RPL4: variants seen among roughly 807,000 people sequenced by gnomAD.
RPL4 encodes the protein ribosomal protein L4.
Under a neutral mutation model 47.7 loss-of-function variants are expected in RPL4, and 3 were observed. The observed-to-expected ratio is 0.06, with a 90% CI of 0.03 to 0.16. The LOEUF (loss-of-function observed/expected upper bound fraction) is 0.16. Ranked by LOEUF, RPL4 falls within the 10% of genes least tolerant of loss-of-function variation. The pLI is 1.00. For missense variants in RPL4, 413 were observed against 551.3 expected, an observed-to-expected ratio of 0.75 and a Z score of 2.51; for synonymous variants, 208 against 182.1, an observed-to-expected ratio of 1.14 and a Z score of -1.15.
chr15:66,503,258 G>A (rs547251473), intron 2 of RPL4, 94 bp from the exon 3 acceptor site: 55 of 1,587,952 alleles, frequency 3.5e-5, no homozygotes, highest in African/African-American at 8.1e-5. Context: ...CAGAACATCC[G>A]AGAAAATCAT....
intron 4 of RPL4, 28 bp from the exon 5 acceptor site, chr15:66,501,940 G>A: frequency 1.3e-6 from 2 of 1,590,624 alleles, no homozygotes; most frequent in Non-Finnish European, 1.7e-6. Context: ...CACTTACTTG[G>A]TTATCCTGAA....
intron 9 of RPL4, 56 bp downstream of exon 9, chr15:66,500,000 G>A (rs968966053): frequency 6.2e-7 from 1 of 1,603,230 alleles, no homozygotes; most frequent in Non-Finnish European, 8.5e-7. Flanking sequence ...TCCAGCCTGG[G>A]TGACAGAGCG....
At chr15:66,504,711 C>G (rs906968714) in intron 1 of RPL4, 77 bp downstream of exon 1, 36 of 1,586,552 alleles carry the variant, frequency 2.3e-5, no homozygotes, top group Non-Finnish European at 2.9e-5. Context: ...CCTACAGATT[C>G]TATGCTCCGA....
chr15:66,502,314 A>G (rs1040042057), intron 4 of RPL4: 4 of 401,284 alleles, frequency 1.0e-5, no homozygotes, highest in Non-Finnish European at 1.3e-5. Context: ...GTTCACGTGA[A>G]AGAAAAAGTG....
At chr15:66,502,365 A>G (rs576349021) in intron 4 of RPL4, 43 of 480,766 alleles carry the variant, frequency 8.9e-5, no homozygotes, top group African/African-American at 8.3e-4. Flanking sequence ...TTTGATTAAA[A>G]AATTTTTAAA....
intron 4 of RPL4, 34 bp downstream of exon 4, chr15:66,502,578 T>C: frequency 6.3e-7 from 1 of 1,597,028 alleles, no homozygotes; most frequent in Non-Finnish European, 8.5e-7. Flanking sequence ...TCTTATTTCT[T>C]CTATCAAACT....
chr15:66,501,137 G>T, intron 6 of RPL4, 32 bp from the exon 7 acceptor site: 1 of 1,607,098 alleles, frequency 6.2e-7, no homozygotes, highest in South Asian at 1.1e-5. Flanking sequence ...TAGGGAGCCT[G>T]TATTCCAACA....
intron 1 of RPL4, 97 bp downstream of exon 1, chr15:66,504,691 C>T: frequency 6.5e-7 from 1 of 1,539,044 alleles, no homozygotes; most frequent in Non-Finnish European, 8.8e-7. Context: ...TCCCTCTCCT[C>T]GCTCTATCTC....
At chr15:66,501,345 C>G (rs773116067) in intron 6 of RPL4, 30 bp downstream of exon 6, 1 of 1,613,574 alleles carries the variant, frequency 6.2e-7, no homozygotes, top group South Asian at 1.1e-5. Context: ...CAGAGTATAC[C>G]TAGTCAATAT....
chr15:66,500,130 A>G lies in RPL4; in HGVS notation c.964T>C (p.Leu322=). The change falls in exon 9 of 10, where the codon TTG becomes CTG. Residue 322 remains leucine, a synonymous_variant. Transcript: ENST00000307961. ...RVLKKNPLKN[L]RIMLKLNPYA... ...GGGTTTAGCTTCAACATGATTCTCA[A>G]GTTTTTCAGTGGGTTCTTCTTTAGG... 2 of 1,613,348 alleles carry G rather than the reference A, an allele frequency of 1.2e-6. No homozygotes were observed. Among genetic ancestry groups the G allele is most frequent in the Non-Finnish European group, 1.7e-6 (2 of 1,179,916 alleles).
In RPL4 at chr15:66,501,932, C is replaced by T. The variant is rs1893624646; in HGVS notation, c.422-20G>A. 1 of 1,599,092 alleles carries T rather than the reference C, an allele frequency of 6.3e-7. No homozygotes were observed. The highest frequency in any genetic ancestry group is 1.1e-5 in the South Asian group (1 of 87,698). The stretch of plus-strand genomic sequence containing the variant: ...GATGACCTAACAAAAACCAATGACA[C>T]TTACTTGGTTATCCTGAAACTTTTG... On this transcript the variant is annotated intron_variant, in intron 4 of 9. Coordinates refer to ENST00000307961, the MANE Select transcript of RPL4 (RefSeq NM_000968.4).
Position 66,503,967 on chromosome 15 carries a change from C to G in RPL4, c.4-438G>C, listed in dbSNP as rs116138136. Reference sequence around the variant, plus strand: ...TGATATTACTTTTTGTTTAAACCTCCAAGTCTTCCCAACTGTGAGTAAACT... The same window carrying G: ...TGATATTACTTTTTGTTTAAACCTCGAAGTCTTCCCAACTGTGAGTAAACT... On this transcript the variant is annotated intron_variant, in intron 1 of 9. Transcript: ENST00000307961. 5.5e-3 allele frequency among the ~76,000 whole-genome samples: 838 copies of G among 152,252 alleles called. 12 individuals carry two copies. The highest frequency in any genetic ancestry group is 0.019 in the African/African-American group (808 of 41,536).
rs1160637987 is a variant in RPL4, at chr15:66,503,040, T to C, written c.282+18A>G. On this transcript the variant is annotated intron_variant, in intron 3 of 9. Coordinates refer to ENST00000307961, the MANE Select transcript of RPL4 (RefSeq NM_000968.4). ...TCCATCAGAGATGACCAGTCTTAGG[T>C]AGTGAAACAAAGGATACGTTTCCAA... is the stretch of plus-strand genomic sequence containing the variant. The C allele has an allele frequency of 6.2e-7, 1 of 1,604,170 alleles. No individual in the cohort carries two copies. Among genetic ancestry groups the C allele is most frequent in the Non-Finnish European group, 8.5e-7 (1 of 1,171,828 alleles).
At position 66,500,022 on chromosome 15, in the gene RPL4, CAAAAACAAACAAACAAACAA is replaced by C; in HGVS notation, c.1038+14_1038+33del. ...TGGGTGACAGAGCGAGATTCCGACT[CAAAAACAAACAAACAAACAA>C]AAACTCCACTCACATTCCTGGCCTG... On this transcript the variant is annotated intron_variant, in intron 9 of 9. Coordinates refer to ENST00000307961, the MANE Select transcript of RPL4 (RefSeq NM_000968.4). The C allele has an allele frequency of 6.2e-7, 1 of 1,610,840 alleles. No homozygotes were observed. The highest frequency in any genetic ancestry group is 8.5e-7 in the Non-Finnish European group (1 of 1,179,396).
rs751318010 is a variant in RPL4, at chr15:66,499,574, C to T, written c.1117G>A (p.Gly373Ser). The stretch of plus-strand genomic sequence containing the variant: ...TTCTTACCTACCACAGGCTTCTTGC[C>T]TGCAACCGCCGCCTTCTCATCTGAT... ...AKSDEKAAVA[G>S]KKPVVGKKGK... The change falls in exon 10 of 10, where the codon GGC becomes AGC. Residue 373 changes from glycine (G) to serine (S), a missense_variant. Around this residue, in one of 4 missense-constraint regions of RPL4, gnomAD observed 134 missense variants for 122.7 expected, o/e 1.09. Coordinates refer to ENST00000307961, the MANE Select transcript of RPL4 (RefSeq NM_000968.4). 25 of 1,613,812 alleles carry T rather than the reference C, an allele frequency of 1.5e-5. No homozygotes were observed. The highest frequency in any genetic ancestry group is 1.3e-4 in the Admixed American group (8 of 59,996).
At position 66,500,334 on chromosome 15, in the gene RPL4, G is replaced by A; in HGVS notation, c.876C>T (p.Ile292=). ...HKMINTDLSR[I]LKSPEIQRAL... Reference sequence around the variant, plus strand: ...CTCTTTGGATCTCTGGGCTTTTCAAGATTCTGCTAAGATCTGTATTAATCA... The same window carrying A: ...CTCTTTGGATCTCTGGGCTTTTCAAAATTCTGCTAAGATCTGTATTAATCA... Residue 292 remains isoleucine (I), a synonymous_variant, in exon 8 of 10, where the codon ATC becomes ATT. Coordinates refer to ENST00000307961, the MANE Select transcript of RPL4 (RefSeq NM_000968.4). 6.2e-7 allele frequency: 1 copy of A among 1,614,156 alleles called. No homozygotes were observed. The highest frequency in any genetic ancestry group is 8.5e-7 in the Non-Finnish European group (1 of 1,180,020).
rs1004758338 is a variant in RPL4 at position 66,502,651 on chromosome 15, G to C, written c.382C>G (p.Leu128Val). The C allele has an allele frequency of 3.7e-6, 6 of 1,613,172 alleles. No individual in the cohort carries two copies. The highest frequency in any genetic ancestry group is 5.1e-6 in the Non-Finnish European group (6 of 1,179,870). ...AGTGCTGGTAGGGCTGAGGCAGCCA[G>C]GGCAGAACAGATGGCGTATCGTTTT... ...TQKRYAICSALAASALPALVM... is the reference protein window; with the variant it reads ...TQKRYAICSAVAASALPALVM... The change falls in exon 4 of 10, where the codon CTG becomes GTG. Residue 128 changes from leucine to valine, a missense_variant. Coordinates refer to ENST00000307961, the MANE Select transcript of RPL4 (RefSeq NM_000968.4).
In RPL4 at chr15:66,500,929, AGT is replaced by A; in HGVS notation, c.833+18_833+19del. ...ATCCACAATATAAACATCTGTGCTT[AGT>A]ATATGAAAGATACTTACTTGTAGTT... On this transcript the variant is annotated intron_variant, in intron 7 of 9. Transcript: ENST00000307961. 6.2e-7 allele frequency: 1 copy of A among 1,608,146 alleles called. No homozygotes were observed. Among genetic ancestry groups the A allele is most frequent in the Non-Finnish European group, 8.5e-7 (1 of 1,177,914 alleles).
chr15:66,503,532 A>T lies in RPL4; in HGVS notation c.4-3T>A. On this transcript the variant is annotated splice_region_variant and splice_polypyrimidine_tract_variant and intron_variant, in intron 1 of 9. Transcript: ENST00000307961. ...GATATCAGTGGGCGAGCACACGCCTAAAGAAAAAGACAAGGATTATTTTTA... is the reference window on the plus strand; with the variant it reads ...GATATCAGTGGGCGAGCACACGCCTTAAGAAAAAGACAAGGATTATTTTTA... 6 of 1,582,076 alleles carry T rather than the reference A, an allele frequency of 3.8e-6. No homozygotes were observed. The highest frequency in any genetic ancestry group is 4.3e-6 in the Non-Finnish European group (5 of 1,160,632).
Sources: allele counts gnomAD v4.1 joint callset (sites outside exome capture counted in the v4.1 genomes callset), GRCh38; gene constraint gnomAD v4.1.1; regional missense constraint gnomAD v4.1.1; transcripts MANE v1.5; gene names NCBI Gene and HGNC (gene_info 2026-07-23, HGNC 2026-07-21).